The following NACC2 variants were observed in gnomAD, a reference collection of about 807,000 sequenced individuals.
NACC2 encodes nucleus accumbens-associated protein 2.
In NACC2, 8 loss-of-function variants were observed where a neutral mutation model predicts 25.1. The ratio of observed to expected loss-of-function variants is 0.32; its 90% CI spans 0.19 to 0.57. The LOEUF (loss-of-function observed/expected upper bound fraction) is 0.57. Among genes scored for constraint, NACC2 ranks in the 20% least tolerant of loss-of-function variants. The pLI is 0.89. For synonymous variants in NACC2, 435 were observed against 294.7 expected, an observed-to-expected ratio of 1.48 and a Z score of -4.88; for missense variants, 644 against 650.2, an observed-to-expected ratio of 0.99 and a Z score of 0.10.
chr9:136,044,205 T>G (rs1840685664), intron 2 of NACC2, among the ~76,000 whole-genome samples: 1 of 152,016 alleles, frequency 6.6e-6, no homozygotes, highest in East Asian at 1.9e-4. Flanking sequence ...ATGCACCATA[T>G]CTACAGGATG....
At position 136,047,926 on chromosome 9, in the gene NACC2, C is replaced by T. The variant is rs1221188389; in HGVS notation, c.886+1710G>A. 2.6e-5 allele frequency among the ~76,000 whole-genome samples: 4 copies of T among 152,206 alleles called. No homozygotes were observed. The East Asian group carries it at 5.8e-4, about 22-fold the overall frequency. On this transcript the variant is annotated intron_variant, in intron 2 of 5. Coordinates refer to ENST00000277554, the MANE Select transcript of NACC2 (RefSeq NM_144653.5). ...CGACACCCAGCCCTGGCTCCCATCA[C>T]CCCAAACACACCAAGGCCCAAGGTC...
chr9:136,040,630 A>G (rs1840614011), intron 2 of NACC2, among the ~76,000 whole-genome samples: 1 of 152,072 alleles, frequency 6.6e-6, no homozygotes, highest in Non-Finnish European at 1.5e-5. Context: ...ACTGATAAAT[A>G]AAATGTGGCA....
chr9:136,009,363 G>A lies in NACC2; in HGVS notation c.*2153C>T, dbSNP rs1482483840. 6.6e-6 allele frequency: 1 copy of A among 152,334 alleles called. No individual in the cohort carries two copies. The highest frequency in any genetic ancestry group is 2.4e-5 in the African/African-American group (1 of 41,462). The allele number at this position is 152,334 out of a possible 1,614,324, so 9.4% of individuals were successfully genotyped here. A position where few individuals can be genotyped will look rare whatever the true frequency, so the allele number is the denominator to read the frequency against. On this transcript the variant is annotated 3_prime_UTR_variant, in exon 6 of 6. Coordinates refer to ENST00000277554, the MANE Select transcript of NACC2 (RefSeq NM_144653.5). ...AAGAGGCAGAGAAAGGCTCCCTCTAGGCTGGGTGGTTCTTAGTTCAGCAGA... is the reference window on the plus strand; with the variant it reads ...AAGAGGCAGAGAAAGGCTCCCTCTAAGCTGGGTGGTTCTTAGTTCAGCAGA...
intron 2 of NACC2, among the ~76,000 whole-genome samples, chr9:136,025,664 G>T (rs1045765588): frequency 4.7e-5 from 7 of 150,080 alleles, no homozygotes; most frequent in Non-Finnish European, 8.9e-5. Context: ...CTGTAATCCC[G>T]GCACTCTGGG....
chr9:136,046,522 G>A (rs1191103809), intron 2 of NACC2, among the ~76,000 whole-genome samples: 1 of 152,212 alleles, frequency 6.6e-6, no homozygotes, highest in Non-Finnish European at 1.5e-5. Context: ...GATGAGGGCT[G>A]GTGGGTGGGA....
At chr9:136,038,251 C>T (rs1840582490) in intron 2 of NACC2, among the ~76,000 whole-genome samples, 1 of 152,080 alleles carries the variant, frequency 6.6e-6, no homozygotes, top group South Asian at 2.1e-4. Context: ...TTTTTAAACA[C>T]CAGGCTGGGC....
At chr9:136,033,968 A>C (rs1376426244) in intron 2 of NACC2, among the ~76,000 whole-genome samples, 2 of 151,494 alleles carry the variant, frequency 1.3e-5, no homozygotes, top group African/African-American at 4.9e-5. Context: ...ACTTCTGAAA[A>C]GCATATGAAA....
chr9:136,024,533 G>GTGTGT (rs770978573), intron 2 of NACC2, among the ~76,000 whole-genome samples: 1 of 106,626 alleles, frequency 9.4e-6, no homozygotes, highest in Non-Finnish European at 1.9e-5. Flanking sequence ...GTGTGTGTGT[G>GTGTGT]GACAGTGTGT....
At chr9:136,034,208 G>A (rs1840518794) in intron 2 of NACC2, among the ~76,000 whole-genome samples, 1 of 152,142 alleles carries the variant, frequency 6.6e-6, no homozygotes, top group African/African-American at 2.4e-5. Flanking sequence ...GACCTTCTCA[G>A]GGAGAACGTA....
At position 136,010,073 on chromosome 9, in the gene NACC2, C is replaced by G. The variant is rs918713400; in HGVS notation, c.*1443G>C. 2 of 152,190 alleles carry G rather than the reference C, an allele frequency of 1.3e-5. No individual in the cohort carries two copies. Among genetic ancestry groups the G allele is most frequent in the Non-Finnish European group, 2.9e-5 (2 of 68,076 alleles). The allele number at this position is 152,190 out of a possible 1,614,324, so 9.4% of individuals were successfully genotyped here. On this transcript the variant is annotated 3_prime_UTR_variant, in exon 6 of 6. Coordinates refer to ENST00000277554, the MANE Select transcript of NACC2 (RefSeq NM_144653.5). This position sits in a 1 kb window ranked among gnomAD's most constrained non-coding sequence, Gnocchi z 4.9. ...CCAGCACTTCACACAGGACTTCACACAGTCTGTGAGCCCTACCACTTAAAA... is the reference window on the plus strand; with the variant it reads ...CCAGCACTTCACACAGGACTTCACAGAGTCTGTGAGCCCTACCACTTAAAA...
At position 136,011,838 on chromosome 9, in the gene NACC2, G is replaced by A. The variant is rs776204107; in HGVS notation, c.1442C>T (p.Pro481Leu). ...CTGTGCCGCGGCAGGCGGGAACTCG[G>A]GGTCGAGGGGCACGCTGGCGGCGGC... ...GSAAASVPLD[P>L]EFPPAAAQVF... is the part of the protein sequence containing the mutation. The change falls in exon 6 of 6, where the codon CCC becomes CTC. Residue 481 changes from proline (P) to leucine (L), a missense_variant. Coordinates refer to ENST00000277554, the MANE Select transcript of NACC2 (RefSeq NM_144653.5). 6.4e-7 allele frequency: 1 copy of A among 1,565,422 alleles called. No individual in the cohort carries two copies. The highest frequency in any genetic ancestry group is 1.4e-5 in the African/African-American group (1 of 73,578).
intron 1 of NACC2, among the ~76,000 whole-genome samples, chr9:136,075,002 C>T (rs1281912307): frequency 2.6e-5 from 4 of 152,312 alleles, no homozygotes; most frequent in East Asian, 1.9e-4. Context: ...GAACAGCAAT[C>T]GGATCCTCAC....
chr9:136,080,464 C>G (rs780527656), intron 1 of NACC2, among the ~76,000 whole-genome samples: 39 of 152,150 alleles, frequency 2.6e-4, no homozygotes, highest in Non-Finnish European at 3.5e-4. Flanking sequence ...CCCAGCTACT[C>G]GGGAGGCTGA....
intron 2 of NACC2, among the ~76,000 whole-genome samples, chr9:136,026,296 T>C (rs1356972983): frequency 8.1e-6 from 1 of 122,900 alleles, no homozygotes; most frequent in Non-Finnish European, 1.6e-5. Flanking sequence ...TGAACCAAGA[T>C]GGCACCACTG....
chr9:136,065,488 C>T (rs144589097), intron 1 of NACC2, among the ~76,000 whole-genome samples: 120 of 152,256 alleles, frequency 7.9e-4, no homozygotes, highest in South Asian at 1.7e-3. Context: ...GATGTGGTGG[C>T]GCACGCCAGT....
chr9:136,046,643 A>G (rs924391996), intron 2 of NACC2, among the ~76,000 whole-genome samples: 12 of 152,212 alleles, frequency 7.9e-5, no homozygotes, highest in Non-Finnish European at 1.8e-4. Flanking sequence ...ACACCCATGC[A>G]TGGCGCCTTC....
intron 2 of NACC2, among the ~76,000 whole-genome samples, chr9:136,031,352 T>C (rs1234553981): frequency 6.6e-6 from 1 of 151,944 alleles, no homozygotes; most frequent in Non-Finnish European, 1.5e-5. Flanking sequence ...CATTCATTCA[T>C]TCTGAGATAG....
intron 5 of NACC2, among the ~76,000 whole-genome samples, chr9:136,012,679 T>G (rs1840130046): frequency 6.6e-6 from 1 of 152,038 alleles, no homozygotes; most frequent in Non-Finnish European, 1.5e-5. Flanking sequence ...TTTTTCTTTT[T>G]TTTAGGAAGA....
chr9:136,031,922 AGCT>A (rs1374565144), intron 2 of NACC2, among the ~76,000 whole-genome samples: 1 of 143,976 alleles, frequency 6.9e-6, no homozygotes, highest in African/African-American at 3.0e-5. Flanking sequence ...CAACACCCAC[AGCT>A]GATGTGTATG....
Sources: allele counts gnomAD v4.1 joint callset (sites outside exome capture counted in the v4.1 genomes callset), GRCh38; gene constraint gnomAD v4.1.1; non-coding constraint Gnocchi (gnomAD v3.1); transcripts MANE v1.5; gene names NCBI Gene and HGNC (gene_info 2026-07-23, HGNC 2026-07-21).